Variants in ANO4 observed in about 807,000 individuals in gnomAD.
The protein encoded by ANO4 is anoctamin 4, also known as anoctamin-4.
In ANO4, 69 loss-of-function variants were observed where a neutral mutation model predicts 141.9. That is an observed-to-expected ratio of 0.49 (90% CI 0.40 to 0.59). ANO4 has a LOEUF of 0.59. Among genes scored for constraint, ANO4 ranks in the 20% least tolerant of loss-of-function variants. The pLI is 0.00. For synonymous variants in ANO4, 350 were observed against 394.3 expected (o/e 0.89, Z 1.33); for missense variants, 894 against 1,162.2 (o/e 0.77, Z 3.36).
At chr12:100,860,795 C>T (rs998981958) in intron 1 of ANO4, among the ~76,000 whole-genome samples, 17 of 152,136 alleles carry the variant, frequency 1.1e-4, no homozygotes, top group African/African-American at 3.9e-4. Context: ...CATCACTTAA[C>T]GATGAGAATA....
upstream of ANO4, among the ~76,000 whole-genome samples, chr12:100,792,297 C>T (rs376903007): frequency 2.0e-5 from 3 of 152,276 alleles, no homozygotes; most frequent in South Asian, 6.2e-4. Flanking sequence ...GATACAGGTA[C>T]ATAATTCAGT....
At chr12:100,816,461 T>C (rs943086577) in intron 1 of ANO4, among the ~76,000 whole-genome samples, 1 of 151,612 alleles carries the variant, frequency 6.6e-6, no homozygotes, top group Non-Finnish European at 1.5e-5. Context: ...TAGGAAGGAG[T>C]ATGAAATATT....
At chr12:100,835,925 C>T (rs370345711) in intron 1 of ANO4, among the ~76,000 whole-genome samples, 2 of 151,978 alleles carry the variant, frequency 1.3e-5, no homozygotes, top group South Asian at 2.1e-4. Context: ...AAGCAAGGTG[C>T]TACATGAATC....
At chr12:101,085,261 A>G (rs1380359792) in intron 16 of ANO4, among the ~76,000 whole-genome samples, 1 of 152,150 alleles carries the variant, frequency 6.6e-6, no homozygotes, top group Non-Finnish European at 1.5e-5. Flanking sequence ...ATATTAGGTA[A>G]TCATCTAATG....
intron 5 of ANO4, among the ~76,000 whole-genome samples, chr12:100,970,726 C>CTTCCTTCCTTCCTTCT (rs1566072137): frequency 8.5e-6 from 1 of 117,946 alleles, no homozygotes. Context: ...TCCTTCCTTC[C>CTTCCTTCCTTCCTTCT]TTCTTTCTTT....
chr12:100,919,670 C>CTGTGTGTGTGTGTGTGTGTGTGTG (rs63330161), intron 2 of ANO4, among the ~76,000 whole-genome samples: 1 of 139,792 alleles, frequency 7.2e-6, no homozygotes, highest in Non-Finnish European at 1.5e-5. Context: ...GGACATGTCT[C>CTGTGTGTGTGTGTGTGTGTGTGTG]TGTGTGTGTG....
chr12:101,013,012 A>G lies in ANO4; in HGVS notation c.735-7022A>G, dbSNP rs990287933. ...CATCTGGAGAAAAGGGAACTCTCATACACTGCTGGTGGGAATGTAAATTAG... is the reference window on the plus strand; with the variant it reads ...CATCTGGAGAAAAGGGAACTCTCATGCACTGCTGGTGGGAATGTAAATTAG... On this transcript the variant is annotated intron_variant, in intron 8 of 27. Transcript: ENST00000392977. 2.6e-5 allele frequency among the ~76,000 whole-genome samples: 4 copies of G among 152,250 alleles called. No homozygotes were observed. In the East Asian group the frequency reaches 5.8e-4, roughly 22 times the overall value.
At chr12:100,739,168 A>G (rs946210952) in intron 2 of ANO4, among the ~76,000 whole-genome samples, 9 of 149,570 alleles carry the variant, frequency 6.0e-5, no homozygotes, top group Non-Finnish European at 1.2e-4. Context: ...AAAAGTTTAT[A>G]TATGTAAAAA....
intron 18 of ANO4, among the ~76,000 whole-genome samples, chr12:101,094,674 C>G (rs1430486154): frequency 6.6e-6 from 1 of 152,154 alleles, no homozygotes; most frequent in African/African-American, 2.4e-5. Flanking sequence ...TATAAACTCA[C>G]AGCAAAGTTA....
At chr12:100,809,480 ATCAAAGAAGGCT>A (rs1224023490) in intron 1 of ANO4, among the ~76,000 whole-genome samples, 3 of 152,160 alleles carry the variant, frequency 2.0e-5, no homozygotes. Context: ...TCCTGGGGCA[ATCAAAGAAGGCT>A]TTACTGAGCA....
intron 1 of ANO4, among the ~76,000 whole-genome samples, chr12:100,853,614 G>A (rs2038001842): frequency 1.2e-5 from 1 of 81,210 alleles, no homozygotes; most frequent in Non-Finnish European, 2.6e-5. Flanking sequence ...CCAAAATTTA[G>A]CAGGTTCTTC....
At chr12:101,031,920 A>G (rs2046992286) in intron 9 of ANO4, among the ~76,000 whole-genome samples, 1 of 152,224 alleles carries the variant, frequency 6.6e-6, no homozygotes, top group African/African-American at 2.4e-5. Flanking sequence ...CCACTGCTCA[A>G]GGAAATCAGA....
At chr12:100,809,668 A>G (rs1057401892) in intron 1 of ANO4, among the ~76,000 whole-genome samples, 2 of 152,252 alleles carry the variant, frequency 1.3e-5, no homozygotes, top group Admixed American at 1.3e-4. Context: ...GCCAGTAGGC[A>G]GCTGCCAGAT....
At chr12:101,095,089 A>C (rs922696363) in intron 18 of ANO4, among the ~76,000 whole-genome samples, 11 of 152,224 alleles carry the variant, frequency 7.2e-5, no homozygotes, top group African/African-American at 2.4e-4. Context: ...GCTCCCGTCC[A>C]CAACTTGCTT....
chr12:100,859,999 A>G (rs2038387977), intron 1 of ANO4, among the ~76,000 whole-genome samples: 1 of 152,204 alleles, frequency 6.6e-6, no homozygotes, highest in African/African-American at 2.4e-5. Context: ...AATTGTACAA[A>G]GTGCATTTTC....
At chr12:101,111,791 C>G in intron 24 of ANO4, 81 bp downstream of exon 24, 8 of 1,328,162 alleles carry the variant, frequency 6.0e-6, no homozygotes, top group Non-Finnish European at 8.0e-6. Flanking sequence ...GAAGACTGCA[C>G]TGGAGAATAT....
At chr12:101,114,953 T>C (rs1381867384) in intron 24 of ANO4, among the ~76,000 whole-genome samples, 1 of 152,140 alleles carries the variant, frequency 6.6e-6, no homozygotes, top group Non-Finnish European at 1.5e-5. Context: ...GGTTCATTTT[T>C]TTTAAGGCCA....
chr12:100,864,096 C>T (rs906082795), intron 1 of ANO4, among the ~76,000 whole-genome samples: 2 of 152,152 alleles, frequency 1.3e-5, no homozygotes. Flanking sequence ...GACAGTGACT[C>T]CAGCCATCCA....
At chr12:100,973,689 G>A (rs1216553175) in intron 6 of ANO4, among the ~76,000 whole-genome samples, 1 of 152,110 alleles carries the variant, frequency 6.6e-6, no homozygotes, top group Non-Finnish European at 1.5e-5. Context: ...TAAAGTTGGT[G>A]GACCAATATT....
Sources: allele counts gnomAD v4.1 joint callset (sites outside exome capture counted in the v4.1 genomes callset), GRCh38; gene constraint gnomAD v4.1.1; transcripts MANE v1.5; gene names NCBI Gene and HGNC (gene_info 2026-07-23, HGNC 2026-07-21).